Variants in HECW1 observed in about 807,000 individuals in gnomAD.
The protein encoded by HECW1 is E3 ubiquitin-protein ligase HECW1.
A neutral mutation model predicts 182.3 loss-of-function variants in HECW1; 61 were observed. That is an observed-to-expected ratio of 0.33 (90% CI 0.27 to 0.41). The LOEUF (loss-of-function observed/expected upper bound fraction) is 0.41. Ranked by LOEUF, HECW1 falls within the 10% of genes least tolerant of loss-of-function variation. The pLI, the probability that HECW1 is intolerant of heterozygous loss-of-function variation, is 1.00. For synonymous variants in HECW1, 859 were observed against 832.6 expected, an observed-to-expected ratio of 1.03 and a Z score of -0.55; for missense variants, 1,739 against 2,108.9, an observed-to-expected ratio of 0.82 and a Z score of 3.44.
Position 43,479,692 on chromosome 7 carries a change from A to T in HECW1, c.3182A>T (p.His1061Leu). 6.2e-7 allele frequency: 1 copy of T among 1,613,914 alleles called. No individual in the cohort carries two copies. The highest frequency in any genetic ancestry group is 1.3e-5 in the African/African-American group (1 of 74,914). ...IPLQNGRLPN[H>L]LTHRQHLQRL... is the part of the protein sequence containing the mutation. ...CTTCAGAACGGTCGTCTTCCCAATC[A>T]TCTAACTCACCGACAGCACCTCCAG... Residue 1061 changes from histidine to leucine, a missense_variant, in exon 17 of 30, where the codon CAT (histidine) becomes CTT (leucine). Transcript: ENST00000395891.
intron 3 of HECW1, among the ~76,000 whole-genome samples, chr7:43,272,534 A>C (rs984909241): frequency 6.6e-6 from 1 of 152,210 alleles, no homozygotes; most frequent in African/African-American, 2.4e-5. Flanking sequence ...GACACTTCTC[A>C]AAAGAAGACA....
chr7:43,435,450 A>G (rs1006605794), intron 8 of HECW1, among the ~76,000 whole-genome samples: 2 of 152,196 alleles, frequency 1.3e-5, no homozygotes, highest in African/African-American at 4.8e-5. Flanking sequence ...ATAGGAGTTA[A>G]CTAAAACTGA....
rs369255800 is a variant in HECW1, at chr7:43,203,120, C to T, written c.-31-40755C>T. Among the ~76,000 whole-genome samples the T allele has an allele frequency of 2.1e-4, 32 of 152,302 alleles. No individual in the cohort carries two copies. In the East Asian group the frequency reaches 4.1e-3, roughly 19 times the overall value. ...TGACACTCAGGCGATCTGCCTGCCT[C>T]GACTTCCCAAAGTGCCGGGATTACA... On this transcript the variant is annotated intron_variant, in intron 2 of 29. Transcript: ENST00000395891.
intron 19 of HECW1, among the ~76,000 whole-genome samples, chr7:43,494,989 G>A (rs182727989): frequency 3.3e-5 from 5 of 152,232 alleles, no homozygotes; most frequent in East Asian, 3.9e-4. Flanking sequence ...ATCTCATCCC[G>A]TTTTAAAGGC....
At chr7:43,260,687 G>A (rs1269550947) in intron 3 of HECW1, among the ~76,000 whole-genome samples, 2 of 152,072 alleles carry the variant, frequency 1.3e-5, no homozygotes, top group Admixed American at 6.5e-5. Context: ...GGAGAGAGGT[G>A]GACAGATGTA....
chr7:43,175,302 G>C (rs929808043), intron 2 of HECW1, among the ~76,000 whole-genome samples: 4 of 152,118 alleles, frequency 2.6e-5, no homozygotes, highest in African/African-American at 9.7e-5. Flanking sequence ...CAATTTGTAA[G>C]TATGTAATAC....
intron 19 of HECW1, among the ~76,000 whole-genome samples, chr7:43,494,133 G>A (rs754251391): frequency 2.0e-5 from 3 of 152,006 alleles, no homozygotes; most frequent in Non-Finnish European, 4.4e-5. Flanking sequence ...CGCCAGAATG[G>A]ATCATTCACT....
intron 2 of HECW1, among the ~76,000 whole-genome samples, chr7:43,177,012 G>A (rs1027181658): frequency 6.6e-6 from 1 of 152,098 alleles, no homozygotes; most frequent in Non-Finnish European, 1.5e-5. Context: ...CAAGCTCTCT[G>A]GCTATTATTT....
At chr7:43,445,617 AC>A (rs1270560800) in intron 11 of HECW1, 47 bp downstream of exon 11, 1 of 1,480,134 alleles carries the variant, frequency 6.8e-7, no homozygotes, top group Non-Finnish European at 9.0e-7. Flanking sequence ...CATCAGGGGG[AC>A]AAAGGTGTCA....
At chr7:43,159,882 T>C (rs1790345875) in intron 2 of HECW1, among the ~76,000 whole-genome samples, 1 of 152,126 alleles carries the variant, frequency 6.6e-6, no homozygotes. Context: ...ATTTTCACCA[T>C]GTTAGCCAGG....
chr7:43,391,384 G>T (rs1265952622), intron 6 of HECW1, among the ~76,000 whole-genome samples: 2 of 152,182 alleles, frequency 1.3e-5, no homozygotes, highest in Admixed American at 1.3e-4. Flanking sequence ...ATAGCAGCCT[G>T]ACCCTCAGTT....
chr7:43,184,026 T>A (rs146448409), intron 2 of HECW1, among the ~76,000 whole-genome samples: 1,847 of 152,174 alleles, frequency 0.012, 32 homozygotes, highest in African/African-American at 0.04. Flanking sequence ...TATTATTTTT[T>A]TTTTTGAGAC....
intron 3 of HECW1, among the ~76,000 whole-genome samples, chr7:43,306,656 C>T (rs1417472217): frequency 6.6e-6 from 1 of 152,012 alleles, no homozygotes; most frequent in Non-Finnish European, 1.5e-5. Context: ...TATAGACATG[C>T]CTTTGTCTGC....
At chr7:43,132,877 A>G (rs917031725) in intron 2 of HECW1, among the ~76,000 whole-genome samples, 10 of 152,144 alleles carry the variant, frequency 6.6e-5, no homozygotes, top group Non-Finnish European at 1.5e-4. Flanking sequence ...GATAATAAAT[A>G]ATGTGGTGAA....
intron 17 of HECW1, among the ~76,000 whole-genome samples, chr7:43,491,496 C>T (rs150713380): frequency 2.6e-5 from 4 of 152,242 alleles, no homozygotes; most frequent in African/African-American, 9.6e-5. Context: ...GCGTACCTTA[C>T]CAATGATATT....
chr7:43,129,119 G>A (rs1786619683), intron 2 of HECW1, among the ~76,000 whole-genome samples: 2 of 152,212 alleles, frequency 1.3e-5, no homozygotes, highest in Admixed American at 6.5e-5. Flanking sequence ...AGTTGATAAA[G>A]CAGCAGCAGG....
intron 8 of HECW1, among the ~76,000 whole-genome samples, chr7:43,422,603 A>G (rs1030933952): frequency 6.6e-6 from 1 of 152,030 alleles, no homozygotes; most frequent in African/African-American, 2.4e-5. Flanking sequence ...GCCTGATGTC[A>G]GATGATCTAC....
chr7:43,113,325 A>C (rs1221794607), intron 1 of HECW1, among the ~76,000 whole-genome samples: 1 of 150,468 alleles, frequency 6.6e-6, no homozygotes, highest in Non-Finnish European at 1.5e-5. Flanking sequence ...CCCAGCCCAC[A>C]CCCACCCCTT....
chr7:43,178,776 C>T (rs1287521319), intron 2 of HECW1, among the ~76,000 whole-genome samples: 2 of 152,202 alleles, frequency 1.3e-5, no homozygotes, highest in Non-Finnish European at 2.9e-5. Flanking sequence ...CTGTGGTTCA[C>T]TACCAGAGCC....
Sources: gnomAD v4.1 joint callset for allele counts (sites outside exome capture counted in the v4.1 genomes callset) on GRCh38, gnomAD v4.1.1 for gene constraint, MANE v1.5 for transcripts, NCBI Gene and HGNC (gene_info 2026-07-23, HGNC 2026-07-21) for gene names.